Variants in DISC1 observed in about 807,000 individuals in gnomAD.
The protein encoded by DISC1 is disrupted in schizophrenia 1 protein.
Under a neutral mutation model 84.5 loss-of-function variants are expected in DISC1, and 57 were observed. The ratio of observed to expected loss-of-function variants is 0.67; its 90% confidence interval spans 0.55 to 0.84. DISC1 has a LOEUF of 0.84. Ranked by LOEUF, DISC1 falls within the 40% of genes least tolerant of loss-of-function variation. The pLI is 0.00. For missense variants in DISC1, 1,000 were observed against 1,057.8 expected (o/e 0.95, Z 0.76); for synonymous variants, 411 against 415.2 (o/e 0.99, Z 0.12).
chr1:231,659,521 T>G (rs1421801741), intron 1 of DISC1, among the ~76,000 whole-genome samples: 1 of 152,162 alleles, frequency 6.6e-6, no homozygotes, highest in East Asian at 1.9e-4. Flanking sequence ...GTCTTCTAGC[T>G]TTGGAGTTTG....
At chr1:231,956,800 G>A (rs1396331011) in intron 9 of DISC1, among the ~76,000 whole-genome samples, 3 of 152,152 alleles carry the variant, frequency 2.0e-5, no homozygotes, top group African/African-American at 7.2e-5. Flanking sequence ...CAGGTATCTG[G>A]AGGTTGGTGC....
At chr1:231,680,443 A>G (rs1327936202) in intron 1 of DISC1, among the ~76,000 whole-genome samples, 1 of 152,200 alleles carries the variant, frequency 6.6e-6, no homozygotes, top group African/African-American at 2.4e-5. Flanking sequence ...TTGTTGTAAC[A>G]TCAGCTTATT....
intron 6 of DISC1, among the ~76,000 whole-genome samples, chr1:231,780,662 A>G (rs1371980516): frequency 1.8e-5 from 2 of 113,358 alleles, no homozygotes; most frequent in East Asian, 4.7e-4. Context: ...ATTACTGGGT[A>G]TATACCCAAA....
intron 9 of DISC1, among the ~76,000 whole-genome samples, chr1:231,870,307 T>C (rs2085364883): frequency 6.6e-6 from 1 of 152,226 alleles, no homozygotes; most frequent in Non-Finnish European, 1.5e-5. Context: ...ATCCAATTAA[T>C]AAAACAGTGA....
chr1:231,831,402 A>T (rs2082213943), intron 9 of DISC1, among the ~76,000 whole-genome samples: 1 of 152,202 alleles, frequency 6.6e-6, no homozygotes, highest in South Asian at 2.1e-4. Flanking sequence ...CTGCAAGGAG[A>T]TATTTTCCTT....
At chr1:231,795,820 T>C (rs1489323147) in intron 7 of DISC1, among the ~76,000 whole-genome samples, 1 of 152,064 alleles carries the variant, frequency 6.6e-6, no homozygotes, top group Non-Finnish European at 1.5e-5. Context: ...ACCCAGGTGG[T>C]TGAGGTTGCA....
chr1:231,765,018 C>T (rs1291094826), intron 4 of DISC1, among the ~76,000 whole-genome samples: 1 of 151,866 alleles, frequency 6.6e-6, no homozygotes, highest in South Asian at 2.1e-4. Context: ...GGTGAAACCC[C>T]GTCTCTACTA....
At chr1:231,832,263 T>C (rs1159175277) in intron 9 of DISC1, among the ~76,000 whole-genome samples, 1 of 151,964 alleles carries the variant, frequency 6.6e-6, no homozygotes, top group Non-Finnish European at 1.5e-5. Flanking sequence ...TTTGAGGGCC[T>C]CTAAAAGTAT....
intron 6 of DISC1, among the ~76,000 whole-genome samples, chr1:231,791,604 T>C (rs2078356830): frequency 6.6e-6 from 1 of 152,204 alleles, no homozygotes; most frequent in Non-Finnish European, 1.5e-5. Flanking sequence ...TTTGGGTAAA[T>C]TAGGTCTGGT....
chr1:231,961,018 G>T (rs1005076368), intron 10 of DISC1, among the ~76,000 whole-genome samples: 1 of 152,220 alleles, frequency 6.6e-6, no homozygotes, highest in Non-Finnish European at 1.5e-5. Context: ...ATAGGGTGAG[G>T]TATGGGAAAG....
intron 6 of DISC1, among the ~76,000 whole-genome samples, chr1:231,793,311 A>G (rs1479668129): frequency 6.6e-6 from 1 of 151,876 alleles, no homozygotes; most frequent in Non-Finnish European, 1.5e-5. Context: ...TCAAGTAATC[A>G]CTCCTCTTCT....
At chr1:231,950,752 A>G (rs183764163) in intron 9 of DISC1, among the ~76,000 whole-genome samples, 11 of 152,288 alleles carry the variant, frequency 7.2e-5, no homozygotes, top group Admixed American at 5.9e-4. Flanking sequence ...AGCAGGTAAA[A>G]TCGGTACCTG....
At chr1:231,701,364 T>C (rs1251302681) in intron 2 of DISC1, among the ~76,000 whole-genome samples, 1 of 152,226 alleles carries the variant, frequency 6.6e-6, no homozygotes, top group Non-Finnish European at 1.5e-5. Flanking sequence ...TCAATGATGC[T>C]AAATCAACCC....
At chr1:231,757,055 G>A (rs112882534) in intron 4 of DISC1, among the ~76,000 whole-genome samples, 316 of 151,884 alleles carry the variant, frequency 2.1e-3, no homozygotes, top group African/African-American at 7.2e-3. Flanking sequence ...CGAGTCAAGG[G>A]GTATATATAA....
At chr1:231,662,964 G>C (rs1449497681) in intron 1 of DISC1, among the ~76,000 whole-genome samples, 1 of 152,082 alleles carries the variant, frequency 6.6e-6, no homozygotes, top group Non-Finnish European at 1.5e-5. Flanking sequence ...ATTAGTAATC[G>C]AGACTCTGTC....
At chr1:231,670,048 A>G (rs1014687745) in intron 1 of DISC1, among the ~76,000 whole-genome samples, 4 of 152,150 alleles carry the variant, frequency 2.6e-5, no homozygotes, top group African/African-American at 7.2e-5. Flanking sequence ...GCCATAAAAA[A>G]GAATGCGATA....
chr1:231,895,952 A>G (rs2087651485), intron 9 of DISC1, among the ~76,000 whole-genome samples: 2 of 152,304 alleles, frequency 1.3e-5, no homozygotes, highest in Non-Finnish European at 2.9e-5. Flanking sequence ...AACACGTCAC[A>G]GTTCATGGCT....
At chr1:231,759,192 T>C (rs2075405509) in intron 4 of DISC1, among the ~76,000 whole-genome samples, 1 of 152,176 alleles carries the variant, frequency 6.6e-6, no homozygotes, top group Admixed American at 6.5e-5. Context: ...GCTCCTCAAT[T>C]GCCTTTGAAA....
chr1:231,919,607 G>GGCAC (rs2126076013), intron 9 of DISC1, among the ~76,000 whole-genome samples: 1 of 152,270 alleles, frequency 6.6e-6, no homozygotes, highest in Non-Finnish European at 1.5e-5. Context: ...GCCTCACCGA[G>GGCAC]TATACTGAGG....
Sources: allele counts gnomAD v4.1 joint callset (sites outside exome capture counted in the v4.1 genomes callset), GRCh38; gene constraint gnomAD v4.1.1; transcripts MANE v1.5; gene names NCBI Gene and HGNC (gene_info 2026-07-23, HGNC 2026-07-21).